CLEC16A: variants seen among roughly 807,000 people sequenced by gnomAD.
CLEC16A encodes the protein protein CLEC16A.
Under a neutral mutation model 109.5 loss-of-function variants are expected in CLEC16A, and 51 were observed. The observed-to-expected ratio is 0.47, with a 90% CI of 0.37 to 0.59. The LOEUF is 0.59. CLEC16A is among the 20% of genes least tolerant of loss of function. The pLI is 0.00. For synonymous variants in CLEC16A, 673 were observed against 564.2 expected (o/e 1.19, Z -2.73); for missense variants, 1,339 against 1,394.0 (o/e 0.96, Z 0.63).
chr16:11,157,379 C>T (rs1190354266), intron 22 of CLEC16A: 2 of 304,264 alleles, frequency 6.6e-6, no homozygotes, highest in Non-Finnish European at 1.1e-5. Flanking sequence ...TCTTCAGCAC[C>T]AGTGCACAGG....
At chr16:11,083,194 G>T (rs564483454) in intron 19 of CLEC16A, among the ~76,000 whole-genome samples, 229 of 152,214 alleles carry the variant, frequency 1.5e-3, no homozygotes, top group African/African-American at 5.3e-3. Context: ...GCAGGGTCTT[G>T]CTCTGTTGCC....
At chr16:10,952,883 A>T (rs1002859403) in intron 1 of CLEC16A, among the ~76,000 whole-genome samples, 3 of 152,264 alleles carry the variant, frequency 2.0e-5, no homozygotes, top group African/African-American at 7.2e-5. Flanking sequence ...TAGATCTGCA[A>T]GATTCCTGTC....
chr16:11,110,298 T>G lies in CLEC16A; in HGVS notation c.2117-10317T>G, dbSNP rs746205871. ...GTCAGGACCCCTTGTTTTGGGAGCT[T>G]ACAGTCTGGACAGGGATGCTTCAAC... On this transcript the variant is annotated intron_variant, in intron 19 of 23. Transcript: ENST00000409790. Among the ~76,000 whole-genome samples the G allele has an allele frequency of 5.5e-4, 83 of 152,094 alleles. 2 individuals carry two copies. The highest frequency in any genetic ancestry group is 2.1e-4 in the Non-Finnish European group (14 of 68,028).
At chr16:11,056,513 C>T (rs924242903) in intron 18 of CLEC16A, 4 of 152,080 alleles carry the variant, frequency 2.6e-5, no homozygotes, top group Non-Finnish European at 4.4e-5. Flanking sequence ...TATCAAAATC[C>T]AAGTTTAAGC....
chr16:11,055,237 A>G (rs1381802443), intron 18 of CLEC16A, among the ~76,000 whole-genome samples: 1 of 152,214 alleles, frequency 6.6e-6, no homozygotes, highest in East Asian at 1.9e-4. Flanking sequence ...GTATCAACTC[A>G]CAGTCAGAGC....
chr16:11,095,873 A>G (rs2050583846), intron 19 of CLEC16A, among the ~76,000 whole-genome samples: 1 of 150,746 alleles, frequency 6.6e-6, no homozygotes, highest in African/African-American at 2.4e-5. Flanking sequence ...TAAGATTGGC[A>G]CCAAAGGAGA....
rs548126417 is a variant in CLEC16A at position 11,123,654 on chromosome 16, C to G, written c.2269-88C>G. 53 of 1,290,964 alleles carry G rather than the reference C, an allele frequency of 4.1e-5. 1 individual carries two copies. The South Asian group carries it at 6.6e-4, about 16-fold the overall frequency. 80.0% of individuals were successfully genotyped at this position (1,290,964 alleles called of 1,614,324 possible). On this transcript the variant is annotated intron_variant, in intron 20 of 23. Coordinates refer to ENST00000409790, the MANE Select transcript of CLEC16A (RefSeq NM_015226.3). The stretch of plus-strand genomic sequence containing the variant: ...AAAGCAGAGATGAATTTGGAGACCT[C>G]TTTCTAGATGCCTCATGATGCCACA...
chr16:11,174,599 C>T lies in CLEC16A; in HGVS notation c.2807-3736C>T, dbSNP rs77935786. ...ATGTGCACCAGTGTCAGGCTCGGCC[C>T]GGGCCAGAAGCAGATGCTCCTGCCA... On this transcript the variant is annotated intron_variant, in intron 23 of 23. Transcript: ENST00000409790. This position sits in a 1 kb window ranked among gnomAD's most constrained non-coding sequence, Gnocchi z 4.7. Among the ~76,000 whole-genome samples, 7 of 152,262 alleles carry T rather than the reference C, an allele frequency of 4.6e-5. No homozygotes were observed. The East Asian group carries it at 1.2e-3, about 25-fold the overall frequency.
intron 22 of CLEC16A, among the ~76,000 whole-genome samples, chr16:11,157,472 A>G (rs2054577144): frequency 1.3e-5 from 2 of 152,194 alleles, no homozygotes; most frequent in Non-Finnish European, 2.9e-5. Flanking sequence ...ACAGTAAATC[A>G]TCTGAGACTT....
At position 11,092,335 on chromosome 16, in the gene CLEC16A, C is replaced by G. The variant is rs547525357; in HGVS notation, c.2117-28280C>G. Among the ~76,000 whole-genome samples, 12 of 147,794 alleles carry G rather than the reference C, an allele frequency of 8.1e-5. No individual in the cohort carries two copies. The East Asian group carries it at 2.4e-3, about 29-fold the overall frequency. ...CTCCAGTCTGGGCGATAGAGTAAGA[C>G]CTGTCTCAAAAAACAAACAAAAACA... On this transcript the variant is annotated intron_variant, in intron 19 of 23. Transcript: ENST00000409790.
chr16:11,088,111 A>G (rs2050110814), intron 19 of CLEC16A, among the ~76,000 whole-genome samples: 1 of 152,244 alleles, frequency 6.6e-6, no homozygotes, highest in South Asian at 2.1e-4. Context: ...CTGTGCTGAC[A>G]GCCCCAGTCC....
intron 19 of CLEC16A, among the ~76,000 whole-genome samples, chr16:11,065,116 A>G (rs1323765271): frequency 6.6e-6 from 1 of 152,230 alleles, no homozygotes. Flanking sequence ...CTAGGCTGTG[A>G]GACTCACTCA....
At chr16:11,158,613 C>T (rs1260180507) in intron 22 of CLEC16A, among the ~76,000 whole-genome samples, 2 of 152,168 alleles carry the variant, frequency 1.3e-5, no homozygotes, top group Middle Eastern at 3.2e-3. Flanking sequence ...GTATGACAGA[C>T]ACCCTGGGGT....
intron 1 of CLEC16A, among the ~76,000 whole-genome samples, chr16:10,948,170 G>A (rs1376132391): frequency 3.3e-5 from 5 of 152,202 alleles, no homozygotes; most frequent in Non-Finnish European, 7.3e-5. Context: ...TGGGATTACA[G>A]GCATGAGCCA....
At chr16:11,073,084 G>A (rs2049159726) in intron 19 of CLEC16A, among the ~76,000 whole-genome samples, 1 of 152,244 alleles carries the variant, frequency 6.6e-6, no homozygotes, top group Non-Finnish European at 1.5e-5. Flanking sequence ...GGTTTGCTTA[G>A]TGCTGACTCT....
intron 19 of CLEC16A, among the ~76,000 whole-genome samples, chr16:11,085,009 T>C (rs2049932454): frequency 6.6e-6 from 1 of 152,182 alleles, no homozygotes; most frequent in South Asian, 2.1e-4. Flanking sequence ...TGGATATAAA[T>C]CAGCAGCCCT....
chr16:11,023,227 C>G (rs888736977), intron 12 of CLEC16A, among the ~76,000 whole-genome samples: 4 of 151,254 alleles, frequency 2.6e-5, no homozygotes, highest in Admixed American at 2.0e-4. Flanking sequence ...CCCAAGCAAA[C>G]TTTTCACCTT....
At chr16:11,002,986 T>C in intron 10 of CLEC16A, 88 bp from the exon 11 acceptor site, 1 of 1,046,590 alleles carries the variant, frequency 9.6e-7, no homozygotes, top group Admixed American at 2.7e-5. Flanking sequence ...GATGAGTTTC[T>C]TAGGACAGAA....
At chr16:11,044,366 A>G (rs1329601719) in intron 16 of CLEC16A, 5 of 276,636 alleles carry the variant, frequency 1.8e-5, no homozygotes, top group African/African-American at 8.7e-5. Context: ...ATTATGAACT[A>G]CGTACGTATA....
Sources: allele counts gnomAD v4.1 joint callset (sites outside exome capture counted in the v4.1 genomes callset), GRCh38; gene constraint gnomAD v4.1.1; non-coding constraint Gnocchi (gnomAD v3.1); transcripts MANE v1.5; gene names NCBI Gene and HGNC (gene_info 2026-07-23, HGNC 2026-07-21).